The following ACOT11 variants were observed in gnomAD, a reference collection of about 807,000 sequenced individuals.
The protein encoded by ACOT11 is acyl-coenzyme A thioesterase 11.
A neutral mutation model predicts 77.5 loss-of-function variants in ACOT11; 69 were observed. The ratio of observed to expected loss-of-function variants is 0.89; its 90% CI spans 0.73 to 1.09. The LOEUF is 1.09. ACOT11 is among the 50% of genes least tolerant of loss of function. The probability of loss-of-function intolerance (pLI) is 0.00; values close to 1 mark genes in which losing one functional copy is unlikely to be tolerated. For missense variants in ACOT11, 766 were observed against 813.7 expected, an observed-to-expected ratio of 0.94 and a Z score of 0.71; for synonymous variants, 279 against 313.0, an observed-to-expected ratio of 0.89 and a Z score of 1.15.
At chr1:54,611,046 G>C (rs1159811330), downstream of ACOT11, 2 of 980,832 alleles carry the variant, frequency 2.0e-6, no homozygotes, top group African/African-American at 3.5e-5. Context: ...TTTCCTACCT[G>C]CTGGGCCACA....
At chr1:54,611,621 A>C, downstream of ACOT11, 2 of 1,613,916 alleles carry the variant, frequency 1.2e-6, no homozygotes, top group Non-Finnish European at 1.7e-6. Flanking sequence ...AGCTGCTTGA[A>C]CTGTGACAGG....
At chr1:54,612,261 C>T (rs997849386), downstream of ACOT11, among the ~76,000 whole-genome samples, 4 of 151,844 alleles carry the variant, frequency 2.6e-5, no homozygotes, top group Middle Eastern at 3.4e-3. Context: ...AAATATTTTC[C>T]AGAGGGCAGA....
chr1:54,608,172 C>A, intron 15 of ACOT11, 104 bp downstream of exon 15: 1 of 1,149,924 alleles, frequency 8.7e-7, no homozygotes. Context: ...AGAGCTGGCC[C>A]CCCAGCAGGC....
intron 3 of ACOT11, 55 bp from the exon 4 acceptor site, chr1:54,592,491 C>A: frequency 6.5e-7 from 1 of 1,546,966 alleles, no homozygotes; most frequent in Non-Finnish European, 8.8e-7. Flanking sequence ...TCTGAGGCCC[C>A]TGTTCCTCCC....
At chr1:54,612,154 C>A (rs1644125634), downstream of ACOT11, among the ~76,000 whole-genome samples, 1 of 151,634 alleles carries the variant, frequency 6.6e-6, no homozygotes, top group African/African-American at 2.4e-5. Flanking sequence ...ATAGGGCTAT[C>A]CTAGGGCAGG....
exon 17 of ACOT11, chr1:54,636,027 A>G (rs1319789826): frequency 6.6e-6 from 1 of 152,280 alleles, no homozygotes; most frequent in African/African-American, 2.4e-5. Flanking sequence ...TCCTGCTGCA[A>G]TTAATTCAGC....
At chr1:54,611,695 T>C, downstream of ACOT11, 1 of 1,614,080 alleles carries the variant, frequency 6.2e-7, no homozygotes, top group Non-Finnish European at 8.5e-7. Context: ...GTAGAGCAGA[T>C]CTTCCACCGA....
At chr1:54,583,355 C>T (rs555324837) in intron 1 of ACOT11, among the ~76,000 whole-genome samples, 2 of 152,276 alleles carry the variant, frequency 1.3e-5, no homozygotes, top group East Asian at 3.9e-4. Flanking sequence ...AACAAGCCAC[C>T]TCGGAGTGCT....
At chr1:54,605,337 A>C in intron 13 of ACOT11, 128 bp downstream of exon 13, 5 of 1,249,164 alleles carry the variant, frequency 4.0e-6, no homozygotes, top group Non-Finnish European at 5.4e-6. Context: ...TTGGAGTTCC[A>C]TGCTGGGTGG....
Position 54,607,056 on chromosome 1 carries a change from G to A in ACOT11, c.1371-78G>A. The stretch of plus-strand genomic sequence containing the variant: ...AGAAGCTGCTCAGGCACTGCAGTGT[G>A]GCAGGGCCCGGGCAGACCCGCTGCT... On this transcript the variant is annotated intron_variant, in intron 13 of 15. Coordinates refer to ENST00000343744, the MANE Select transcript of ACOT11 (RefSeq NM_147161.4). The surrounding 1 kb of genome is among the most constrained non-coding windows in gnomAD (Gnocchi z 4.5). The A allele has an allele frequency of 2.5e-6, 4 of 1,581,400 alleles. No homozygotes were observed. Among genetic ancestry groups the A allele is most frequent in the East Asian group, 4.5e-5 (2 of 44,310 alleles).
At chr1:54,639,137 G>A (rs1367664388) in exon 17 of ACOT11, 1 of 142,328 alleles carries the variant, frequency 7.0e-6, no homozygotes, top group Non-Finnish European at 1.5e-5. Flanking sequence ...CGAGGCTGCA[G>A]TGAGCCATGA....
chr1:54,602,538 T>G, intron 9 of ACOT11, 131 bp from the exon 10 acceptor site: 1 of 854,276 alleles, frequency 1.2e-6, no homozygotes, highest in Non-Finnish European at 1.7e-6. Context: ...CAGGATGTTT[T>G]GATTCCAGCT....
intron 1 of ACOT11, among the ~76,000 whole-genome samples, chr1:54,568,179 C>G (rs1032663608): frequency 2.0e-5 from 3 of 152,098 alleles, no homozygotes; most frequent in African/African-American, 7.2e-5. Flanking sequence ...TCCTTCAGAT[C>G]CTAGCCAGGA....
At chr1:54,614,581 GT>G (rs1423953350), downstream of ACOT11, 1 of 1,014,806 alleles carries the variant, frequency 9.9e-7, no homozygotes. Context: ...AGGCTCAGAG[GT>G]GAGGCTATAT....
chr1:54,625,950 A>AG (rs926423502), intron 15 of ACOT11, among the ~76,000 whole-genome samples: 3 of 148,330 alleles, frequency 2.0e-5, no homozygotes, highest in Admixed American at 6.8e-5. Context: ...AAAAAAAAAA[A>AG]AAAGAAAGAA....
chr1:54,592,343 C>T (rs1654740818), intron 3 of ACOT11, among the ~76,000 whole-genome samples: 1 of 152,226 alleles, frequency 6.6e-6, no homozygotes, highest in African/African-American at 2.4e-5. Flanking sequence ...TCAGCCTCAG[C>T]TTAACCATCT....
chr1:54,548,576 G>A (rs1162157143), intron 1 of ACOT11: 5 of 599,074 alleles, frequency 8.3e-6, no homozygotes, highest in Non-Finnish European at 1.5e-5. Context: ...GCTGTGTAGA[G>A]TGGAATCACC....
Position 54,609,600 on chromosome 1 carries a change from C to T in ACOT11, c.*488C>T, listed in dbSNP as rs1190451892. 3.7e-6 allele frequency: 6 copies of T among 1,613,290 alleles called. No homozygotes were observed. The highest frequency in any genetic ancestry group is 2.5e-6 in the Non-Finnish European group (3 of 1,180,044). On this transcript the variant is annotated 3_prime_UTR_variant, in exon 16 of 16. Transcript: ENST00000343744. ...ACCTCCTCAGGCCAGCCTGGTGCCA[C>T]AGTCACGTGGGGGAAGACCTCAGCC... is the stretch of plus-strand genomic sequence containing the variant.
chr1:54,607,006 A>G lies in ACOT11; in HGVS notation c.1371-128A>G. 1.5e-6 allele frequency: 2 copies of G among 1,314,550 alleles called. No homozygotes were observed. The highest frequency in any genetic ancestry group is 2.4e-5 in the Admixed American group (1 of 41,814). The allele number at this position is 1,314,550 out of a possible 1,614,324, so 81.4% of individuals were successfully genotyped here. A position where few individuals can be genotyped will look rare whatever the true frequency, so the allele number is the denominator to read the frequency against. On this transcript the variant is annotated intron_variant, in intron 13 of 15. Transcript: ENST00000343744. This position sits in a 1 kb window ranked among gnomAD's most constrained non-coding sequence, Gnocchi z 4.5. ...GCCTTCCTGCTGGCCCTTGCTGAGC[A>G]GTACAGGGGGTGACATCCCATCACA...
Sources: gnomAD v4.1 joint callset for allele counts (sites outside exome capture counted in the v4.1 genomes callset) on GRCh38, gnomAD v4.1.1 for gene constraint, Gnocchi (gnomAD v3.1) non-coding constraint, MANE v1.5 for transcripts, NCBI Gene and HGNC (gene_info 2026-07-23, HGNC 2026-07-21) for gene names.